Variants in APPL1 observed in about 807,000 individuals in gnomAD.
The protein encoded by APPL1 is adaptor protein, phosphotyrosine interacting with PH domain and leucine zipper 1.
In APPL1, 42 loss-of-function variants were observed where a neutral mutation model predicts 106.8. That is an observed-to-expected ratio of 0.39 (90% CI 0.31 to 0.51). APPL1 has a LOEUF of 0.51. Among genes scored for constraint, APPL1 ranks in the 20% least tolerant of loss-of-function variants. APPL1 has a pLI of 0.75. For missense variants in APPL1, 769 were observed against 858.2 expected, an observed-to-expected ratio of 0.90 and a Z score of 1.30; for synonymous variants, 263 against 281.8, an observed-to-expected ratio of 0.93 and a Z score of 0.67.
intron 6 of APPL1, 88 bp downstream of exon 6, chr3:57,242,230 G>A: frequency 5.3e-6 from 5 of 943,458 alleles, no homozygotes; most frequent in Admixed American, 2.8e-5. Flanking sequence ...TGTAATAATT[G>A]AAAAAAAACC....
intron 7 of APPL1, 130 bp downstream of exon 7, chr3:57,243,044 C>T (rs2060755171): frequency 6.0e-6 from 4 of 661,656 alleles, no homozygotes; most frequent in South Asian, 4.3e-5. Flanking sequence ...TTATTCTTTC[C>T]TTCTAGCTGT....
At chr3:57,240,076 A>G (rs866027994) in intron 4 of APPL1, among the ~76,000 whole-genome samples, 3 of 148,528 alleles carry the variant, frequency 2.0e-5, no homozygotes, top group Non-Finnish European at 4.5e-5. Context: ...CTCTTTCTAG[A>G]TACAAGTTAC....
intron 1 of APPL1, among the ~76,000 whole-genome samples, chr3:57,232,730 C>T (rs1174652197): frequency 6.6e-6 from 1 of 152,096 alleles, no homozygotes; most frequent in Admixed American, 6.5e-5. Context: ...GGGCCCGGTG[C>T]GGTGGCTCAC....
Position 57,269,559 on chromosome 3 carries a change from CG to C in APPL1, c.2004del (p.Leu669Ter). On this transcript the variant is annotated frameshift_variant, in exon 22 of 22. Transcript: ENST00000288266. LOFTEE classifies it high-confidence loss of function. ...CCACTAGGACTTGGAAGAACAAAGT[CG>C]GTTGATAGCTGCTTCCAGTAGACCA... ...QIEKDLEEQS[R>X]LIAASSRPNQ... The C allele has an allele frequency of 6.2e-7, 1 of 1,613,652 alleles. No individual in the cohort carries two copies.
chr3:57,257,594 C>G (rs1306498420), intron 15 of APPL1, among the ~76,000 whole-genome samples, 166 bp downstream of exon 15: 2 of 152,104 alleles, frequency 1.3e-5, no homozygotes, highest in Non-Finnish European at 2.9e-5. Context: ...AGGTTTTTTT[C>G]TCTATGTCTT....
At position 57,227,949 on chromosome 3, in the gene APPL1, G is replaced by GA; in HGVS notation, c.54+13dup. Reference sequence around the variant, plus strand: ...AGGACAGCCCGCAGGTGAGGCGCGGGAGCTGGTGGGCGACGAGGGAGAGCC... The same window carrying GA: ...AGGACAGCCCGCAGGTGAGGCGCGGGAAGCTGGTGGGCGACGAGGGAGAGCC... On this transcript the variant is annotated intron_variant, in intron 1 of 21. Transcript: ENST00000288266. 7.0e-7 allele frequency: 1 copy of GA among 1,430,384 alleles called. No homozygotes were observed. The highest frequency in any genetic ancestry group is 9.2e-7 in the Non-Finnish European group (1 of 1,082,936). The allele number at this position is 1,430,384 out of a possible 1,614,324, so 88.6% of individuals were successfully genotyped here. A position where few individuals can be genotyped will look rare whatever the true frequency, so the allele number is the denominator to read the frequency against.
At chr3:57,262,410 T>TTTTTTTTTTTTG (rs869046266) in intron 19 of APPL1, among the ~76,000 whole-genome samples, 1 of 139,990 alleles carries the variant, frequency 7.1e-6, no homozygotes, top group African/African-American at 2.6e-5. Context: ...TTTTTTTTTT[T>TTTTTTTTTTTTG]GAGACAGACT....
chr3:57,247,892 A>G (rs1162188077), intron 9 of APPL1, among the ~76,000 whole-genome samples: 9 of 152,308 alleles, frequency 5.9e-5, no homozygotes, highest in Non-Finnish European at 1.3e-4. Flanking sequence ...AGTCCACGGT[A>G]TGGAGAGAGA....
At position 57,270,303 on chromosome 3, in the gene APPL1, A is replaced by C. The variant is rs2060927647; in HGVS notation, c.*616A>C. 6.5e-6 allele frequency: 1 copy of C among 152,686 alleles called. No homozygotes were observed. 9.5% of individuals were successfully genotyped at this position (152,686 alleles called of 1,614,324 possible). A position where few individuals can be genotyped will look rare whatever the true frequency, so the allele number is the denominator to read the frequency against. On this transcript the variant is annotated 3_prime_UTR_variant, in exon 22 of 22. Coordinates refer to ENST00000288266, the MANE Select transcript of APPL1 (RefSeq NM_012096.3). ...TGCTCACATTTCTCTAATGTACTGC[A>C]CTTGATGCCAGTAGGAAAGAAGCTT...
rs75321368 is a variant in APPL1, at chr3:57,238,931, G to C, written c.285+815G>C. Among the ~76,000 whole-genome samples, 29 of 152,234 alleles carry C rather than the reference G, an allele frequency of 1.9e-4. 1 individual carries two copies. The East Asian group carries it at 5.6e-3, about 29-fold the overall frequency. On this transcript the variant is annotated intron_variant, in intron 4 of 21. Coordinates refer to ENST00000288266, the MANE Select transcript of APPL1 (RefSeq NM_012096.3). Reference sequence around the variant, plus strand: ...TGCCCGTTAAGCAGTGTATTAGTCTGTTTTCACACTGCTGATAAAGACATA... The same window carrying C: ...TGCCCGTTAAGCAGTGTATTAGTCTCTTTTCACACTGCTGATAAAGACATA...
rs781543583 is a variant in APPL1 at position 57,256,995 on chromosome 3, T to C, written c.1191T>C (p.Ala397=). The C allele has an allele frequency of 2.5e-6, 4 of 1,614,062 alleles. No homozygotes were observed. In the African/African-American group the frequency reaches 5.3e-5, roughly 22 times the overall value. Residue 397 remains alanine (A), a synonymous_variant, in exon 14 of 22, where the codon GCT becomes GCC. Coordinates refer to ENST00000288266, the MANE Select transcript of APPL1 (RefSeq NM_012096.3). The part of the protein sequence containing the change: ...AARVNQSALE[A]VTPSPSFQQR... Reference sequence around the variant, plus strand: ...GAGTAAATCAATCAGCTCTGGAAGCTGTCACTCCTTCCCCATCTTTCCAGC... The same window carrying C: ...GAGTAAATCAATCAGCTCTGGAAGCCGTCACTCCTTCCCCATCTTTCCAGC...
intron 1 of APPL1, among the ~76,000 whole-genome samples, chr3:57,230,251 G>A (rs1246273317): frequency 6.6e-6 from 1 of 152,110 alleles, no homozygotes; most frequent in African/African-American, 2.4e-5. Flanking sequence ...CTGCTTTAGG[G>A]CAAATCATTC....
rs866978701 is a variant in APPL1, at chr3:57,227,772, G to T, written c.-112G>T. The T allele has an allele frequency of 2.9e-5, 26 of 911,844 alleles. No individual in the cohort carries two copies. Among genetic ancestry groups the T allele is most frequent in the Middle Eastern group, 3.8e-4 (1 of 2,602 alleles). The allele number at this position is 911,844 out of a possible 1,614,324, so 56.5% of individuals were successfully genotyped here. A position where few individuals can be genotyped will look rare whatever the true frequency, so the allele number is the denominator to read the frequency against. ...TGGAGAAGGCTGTGCGGGCGGGGACGGCTGCAGCCCTTGCCGGAGAGGGCG... is the reference window on the plus strand; with the variant it reads ...TGGAGAAGGCTGTGCGGGCGGGGACTGCTGCAGCCCTTGCCGGAGAGGGCG... On this transcript the variant is annotated 5_prime_UTR_variant, in exon 1 of 22. Transcript: ENST00000288266.
chr3:57,236,110 T>A (rs1180209921), intron 2 of APPL1, among the ~76,000 whole-genome samples: 1 of 150,740 alleles, frequency 6.6e-6, no homozygotes, highest in East Asian at 2.0e-4. Context: ...AGTAGTGTGA[T>A]CTTGGGTCAC....
chr3:57,263,949 T>G (rs919164592), intron 19 of APPL1, among the ~76,000 whole-genome samples: 2 of 152,140 alleles, frequency 1.3e-5, no homozygotes, highest in African/African-American at 4.8e-5. Context: ...ATTTTTAGTT[T>G]TTTGAGGAAC....
At chr3:57,231,806 T>C (rs886531205) in intron 1 of APPL1, among the ~76,000 whole-genome samples, 5 of 144,990 alleles carry the variant, frequency 3.4e-5, no homozygotes, top group African/African-American at 7.9e-5. Flanking sequence ...AGGCTTTGGC[T>C]CTTAAAAAAA....
chr3:57,244,090 A>G (rs1330679469), intron 7 of APPL1, among the ~76,000 whole-genome samples: 49 of 152,134 alleles, frequency 3.2e-4, no homozygotes, highest in Admixed American at 3.2e-3. Context: ...TAGGGGTTTT[A>G]ATAAAATGCT....
Position 57,263,100 on chromosome 3 carries a change from C to T in APPL1, c.1842+2326C>T, listed in dbSNP as rs368913632. Among the ~76,000 whole-genome samples, 4 of 152,110 alleles carry T rather than the reference C, an allele frequency of 2.6e-5. No individual in the cohort carries two copies. In the South Asian group the frequency reaches 6.2e-4, roughly 24 times the overall value. On this transcript the variant is annotated intron_variant, in intron 19 of 21. Transcript: ENST00000288266. ...TCTCGACCTCAGATGATCCGCCTGC[C>T]TCGGCCTCCCAAAGTGCTGGGATTA...
chr3:57,257,773 T>C (rs970358541), intron 15 of APPL1, among the ~76,000 whole-genome samples: 37 of 152,344 alleles, frequency 2.4e-4, no homozygotes, highest in Admixed American at 1.0e-3. Flanking sequence ...ACATGTGATA[T>C]AGGTTTATTA....
Sources: allele counts gnomAD v4.1 joint callset (sites outside exome capture counted in the v4.1 genomes callset), GRCh38; gene constraint gnomAD v4.1.1; transcripts MANE v1.5; gene names NCBI Gene and HGNC (gene_info 2026-07-23, HGNC 2026-07-21).